PCDH15: variants seen among roughly 807,000 people sequenced by gnomAD.
PCDH15 encodes the protein protocadherin-15.
Under a neutral mutation model 178.5 loss-of-function variants are expected in PCDH15, and 129 were observed. That is an observed-to-expected ratio of 0.72 (90% CI 0.63 to 0.84). The LOEUF (loss-of-function observed/expected upper bound fraction) is 0.84. PCDH15 is among the 40% of genes least tolerant of loss of function. The pLI is 0.00. For missense variants in PCDH15, 2,230 were observed against 2,099.9 expected (o/e 1.06, Z -1.21); for synonymous variants, 800 against 732.0 (o/e 1.09, Z -1.50).
intron 21 of PCDH15, among the ~76,000 whole-genome samples, chr10:53,973,104 T>C (rs576418038): frequency 6.6e-6 from 1 of 152,184 alleles, no homozygotes; most frequent in South Asian, 2.1e-4. Flanking sequence ...TGGAATACTC[T>C]GCAGCCATAA....
intron 3 of PCDH15, chr10:54,486,250 C>T (rs546493408): frequency 1.2e-4 from 18 of 152,064 alleles, no homozygotes; most frequent in African/African-American, 4.3e-4. Context: ...GGAAGCATTG[C>T]CCAGAGAGGT....
chr10:55,249,258 G>T (rs1403951562), intron 1 of PCDH15, among the ~76,000 whole-genome samples: 2 of 152,096 alleles, frequency 1.3e-5, no homozygotes, highest in African/African-American at 4.8e-5. Context: ...ATCATCTCTA[G>T]ATAGATAAAG....
chr10:55,275,495 A>C (rs896387415), intron 1 of PCDH15, among the ~76,000 whole-genome samples: 1 of 152,020 alleles, frequency 6.6e-6, no homozygotes, highest in African/African-American at 2.4e-5. Context: ...TTCAAATTAC[A>C]TAAAAATGAT....
At chr10:55,281,627 A>G (rs1301393730) in intron 1 of PCDH15, among the ~76,000 whole-genome samples, 1 of 152,032 alleles carries the variant, frequency 6.6e-6, no homozygotes, top group African/African-American at 2.4e-5. Flanking sequence ...TTCACTTATC[A>G]TCTATATGAC....
chr10:55,154,283 G>T (rs765627244), intron 2 of PCDH15, among the ~76,000 whole-genome samples: 1 of 151,998 alleles, frequency 6.6e-6, no homozygotes, highest in South Asian at 2.1e-4. Flanking sequence ...TATAATATTA[G>T]TCAAAACAAA....
intron 8 of PCDH15, among the ~76,000 whole-genome samples, chr10:54,296,201 G>C (rs368147549): frequency 6.8e-6 from 1 of 147,578 alleles, no homozygotes; most frequent in East Asian, 2.0e-4. Flanking sequence ...ATAAAAACAC[G>C]GGTGTCAGGC....
At chr10:54,324,908 A>G (rs1034458233) in intron 7 of PCDH15, among the ~76,000 whole-genome samples, 5 of 152,130 alleles carry the variant, frequency 3.3e-5, no homozygotes, top group African/African-American at 9.7e-5. Flanking sequence ...AAGAAAAATG[A>G]TATGTAAAGA....
At chr10:55,466,118 A>C (rs532380236) in intron 2 of PCDH15, among the ~76,000 whole-genome samples, 1 of 152,278 alleles carries the variant, frequency 6.6e-6, no homozygotes, top group South Asian at 2.1e-4. Context: ...ATACGAAAAT[A>C]TGCACAGAGA....
At chr10:54,736,920 T>G (rs1179099752) in intron 1 of PCDH15, among the ~76,000 whole-genome samples, 4 of 152,054 alleles carry the variant, frequency 2.6e-5, no homozygotes, top group African/African-American at 7.2e-5. Context: ...TTTGAAGGAC[T>G]GTCTTCAAAA....
chr10:54,909,586 C>T (rs1954784982), intron 2 of PCDH15, among the ~76,000 whole-genome samples: 1 of 152,100 alleles, frequency 6.6e-6, no homozygotes, highest in African/African-American at 2.4e-5. Context: ...CCTGCGGTGA[C>T]AGGGAGGCAT....
chr10:55,394,511 C>T (rs540299211), intron 2 of PCDH15, among the ~76,000 whole-genome samples: 1 of 151,738 alleles, frequency 6.6e-6, no homozygotes, highest in African/African-American at 2.4e-5. Context: ...TAAAGCGCAC[C>T]CTGCCCCAGA....
intron 1 of PCDH15, among the ~76,000 whole-genome samples, chr10:54,696,845 T>C (rs1297254657): frequency 2.6e-5 from 4 of 152,174 alleles, no homozygotes; most frequent in African/African-American, 4.8e-5. Flanking sequence ...GATGTGATTA[T>C]AAGTTAAGTC....
intron 2 of PCDH15, among the ~76,000 whole-genome samples, chr10:55,040,662 G>A (rs554054082): frequency 6.6e-6 from 1 of 152,168 alleles, no homozygotes; most frequent in East Asian, 1.9e-4. Context: ...ACACTCACAT[G>A]CACACATACA....
At chr10:54,319,225 G>T (rs541965713) in intron 7 of PCDH15, among the ~76,000 whole-genome samples, 1 of 152,074 alleles carries the variant, frequency 6.6e-6, no homozygotes, top group African/African-American at 2.4e-5. Flanking sequence ...AAGTATACTT[G>T]CATGCATGTT....
intron 2 of PCDH15, among the ~76,000 whole-genome samples, chr10:55,552,004 G>A (rs903073524): frequency 3.3e-5 from 5 of 151,290 alleles, no homozygotes; most frequent in African/African-American, 7.3e-5. Flanking sequence ...CTAAACTCTC[G>A]CTAAAAAGAC....
chr10:54,025,398 T>C (rs1165955870), intron 18 of PCDH15, among the ~76,000 whole-genome samples: 1 of 152,112 alleles, frequency 6.6e-6, no homozygotes, highest in African/African-American at 2.4e-5. Context: ...TTGCTAGAGT[T>C]TGTAGAACTG....
intron 2 of PCDH15, among the ~76,000 whole-genome samples, chr10:55,369,004 T>G (rs1304428638): frequency 4.6e-5 from 5 of 109,474 alleles, no homozygotes; most frequent in Admixed American, 2.2e-4. Flanking sequence ...ATCTCATTTT[T>G]GGGACCAAAA....
chr10:54,959,079 A>G (rs1838573389), intron 2 of PCDH15, among the ~76,000 whole-genome samples: 1 of 151,872 alleles, frequency 6.6e-6, no homozygotes, highest in Non-Finnish European at 1.5e-5. Context: ...GTCACTGGGT[A>G]AATGAAAATC....
chr10:54,518,623 A>G (rs1344205313), intron 3 of PCDH15, among the ~76,000 whole-genome samples: 1 of 152,228 alleles, frequency 6.6e-6, no homozygotes, highest in African/African-American at 2.4e-5. Flanking sequence ...GCCGAATTCT[A>G]CCAGAGGTAC....
Sources: gnomAD v4.1 joint callset for allele counts (sites outside exome capture counted in the v4.1 genomes callset) on GRCh38, gnomAD v4.1.1 for gene constraint, MANE v1.5 for transcripts, NCBI Gene and HGNC (gene_info 2026-07-23, HGNC 2026-07-21) for gene names.